The following TPD52L1 variants were observed in gnomAD, a reference collection of about 807,000 sequenced individuals.
TPD52L1 encodes the protein tumor protein D53.
A neutral mutation model predicts 28.7 loss-of-function variants in TPD52L1; 18 were observed. That is an observed-to-expected ratio of 0.63 (90% confidence interval 0.43 to 0.93). TPD52L1 has a LOEUF of 0.93. TPD52L1 is among the 40% of genes least tolerant of loss of function. The probability of loss-of-function intolerance (pLI) is 0.00; values close to 1 mark genes in which losing one functional copy is unlikely to be tolerated. For synonymous variants in TPD52L1, 75 were observed against 88.8 expected, an observed-to-expected ratio of 0.84 and a Z score of 0.88; for missense variants, 203 against 254.8, an observed-to-expected ratio of 0.80 and a Z score of 1.39.
intron 1 of TPD52L1, among the ~76,000 whole-genome samples, chr6:125,210,813 C>T (rs1794442699): frequency 6.6e-6 from 1 of 152,158 alleles, no homozygotes; most frequent in African/African-American, 2.4e-5. Context: ...ACAATTTATT[C>T]TTGTGGGTAG....
At chr6:125,250,615 A>G (rs1797207277) in intron 4 of TPD52L1, among the ~76,000 whole-genome samples, 1 of 152,210 alleles carries the variant, frequency 6.6e-6, no homozygotes, top group African/African-American at 2.4e-5. Flanking sequence ...TGTATTTCAT[A>G]AAGGCCCTGC....
chr6:125,235,159 G>C (rs888414017), intron 3 of TPD52L1, among the ~76,000 whole-genome samples: 1 of 145,922 alleles, frequency 6.9e-6, no homozygotes, highest in Non-Finnish European at 1.5e-5. Flanking sequence ...TGGCTGATAG[G>C]AGGGGTTTTT....
At chr6:125,208,809 G>A (rs1446800962) in intron 1 of TPD52L1, 6 of 574,686 alleles carry the variant, frequency 1.0e-5, no homozygotes, top group Non-Finnish European at 1.3e-5. Context: ...GAGTGGGCCA[G>A]GTGCTGAGAG....
chr6:125,161,123 G>C (rs1214855939), intron 1 of TPD52L1, among the ~76,000 whole-genome samples: 1 of 152,202 alleles, frequency 6.6e-6, no homozygotes, highest in Non-Finnish European at 1.5e-5. Flanking sequence ...AAAGTGCTGG[G>C]ATTACAGGCA....
intron 1 of TPD52L1, among the ~76,000 whole-genome samples, chr6:125,172,085 TCTTTCTTTCTTTCC>T (rs1314859002): frequency 7.3e-6 from 1 of 136,566 alleles, no homozygotes; most frequent in East Asian, 2.1e-4. Context: ...TCTTTCTCTT[TCTTTCTTTCTTTCC>T]CTTTCTTTCT....
chr6:125,162,861 C>T (rs1348728085), intron 1 of TPD52L1, among the ~76,000 whole-genome samples: 1 of 152,182 alleles, frequency 6.6e-6, no homozygotes, highest in African/African-American at 2.4e-5. Context: ...AACTTTGCAT[C>T]CATTATTTTA....
intron 1 of TPD52L1, among the ~76,000 whole-genome samples, chr6:125,188,628 A>G (rs1562247638): frequency 6.6e-6 from 1 of 152,194 alleles, no homozygotes; most frequent in East Asian, 1.9e-4. Flanking sequence ...TATGCATTCC[A>G]AACAATTCCT....
At chr6:125,172,539 T>TATATATATAATATATATATATATA (rs1791528377) in intron 1 of TPD52L1, among the ~76,000 whole-genome samples, 2 of 95,042 alleles carry the variant, frequency 2.1e-5, no homozygotes, top group African/African-American at 8.8e-5. Context: ...TATATATATA[T>TATATATATAATATATATATATATA]ATATATATAT....
intron 1 of TPD52L1, among the ~76,000 whole-genome samples, chr6:125,202,625 G>T (rs1422467065): frequency 1.3e-5 from 2 of 152,142 alleles, no homozygotes; most frequent in East Asian, 3.9e-4. Flanking sequence ...TAATTGAAAT[G>T]AGTGACTTTT....
intron 2 of TPD52L1, among the ~76,000 whole-genome samples, chr6:125,228,634 A>G (rs947102591): frequency 2.0e-5 from 3 of 152,210 alleles, no homozygotes; most frequent in African/African-American, 7.2e-5. Context: ...TGAGGCCAAG[A>G]GTTTGAGACC....
chr6:125,229,272 TATC>T lies in TPD52L1; in HGVS notation c.284+9_284+11del. 1 of 1,609,844 alleles carries T rather than the reference TATC, an allele frequency of 6.2e-7. No homozygotes were observed. The highest frequency in any genetic ancestry group is 8.5e-7 in the Non-Finnish European group (1 of 1,178,362). ...GACATGCAGACTACCACTGCGTAAGTATCATATGAACAGTGTTTTATTAACTCA... is the reference window on the plus strand; with the variant it reads ...GACATGCAGACTACCACTGCGTAAGTATATGAACAGTGTTTTATTAACTCA... On this transcript the variant is annotated splice_region_variant and intron_variant, in intron 3 of 6. Coordinates refer to ENST00000534000, the MANE Select transcript of TPD52L1 (RefSeq NM_003287.4).
At chr6:125,186,549 A>G (rs1792646447) in intron 1 of TPD52L1, among the ~76,000 whole-genome samples, 1 of 152,200 alleles carries the variant, frequency 6.6e-6, no homozygotes, top group Non-Finnish European at 1.5e-5. Context: ...AGTCCCAACA[A>G]AGATATTTTG....
chr6:125,206,934 C>A (rs1794186014), intron 1 of TPD52L1, among the ~76,000 whole-genome samples: 1 of 152,136 alleles, frequency 6.6e-6, no homozygotes, highest in Non-Finnish European at 1.5e-5. Context: ...TTTCCTCATG[C>A]AGTCTGGTAG....
In TPD52L1 at chr6:125,263,052, G is replaced by A. The variant is rs542359213; in HGVS notation, c.*90G>A. ...ATCCAGATAAGAAGACCAAAATCCCGCTGGGAAAAACCCAGGCCTTGACAT... is the reference window on the plus strand; with the variant it reads ...ATCCAGATAAGAAGACCAAAATCCCACTGGGAAAAACCCAGGCCTTGACAT... On this transcript the variant is annotated 3_prime_UTR_variant, in exon 7 of 7. Coordinates refer to ENST00000534000, the MANE Select transcript of TPD52L1 (RefSeq NM_003287.4). 6.2e-4 allele frequency: 890 copies of A among 1,430,652 alleles called. No homozygotes were observed. Among genetic ancestry groups the A allele is most frequent in the Non-Finnish European group, 7.8e-4 (844 of 1,088,740 alleles). 88.6% of individuals were successfully genotyped at this position (1,430,652 alleles called of 1,614,324 possible).
chr6:125,248,273 T>C lies in TPD52L1; in HGVS notation c.285-9T>C. On this transcript the variant is annotated splice_polypyrimidine_tract_variant and intron_variant, in intron 3 of 6. Coordinates refer to ENST00000534000, the MANE Select transcript of TPD52L1 (RefSeq NM_003287.4). ...ATATAAAAACCATGTTGTTCTGTTT[T>C]ATTTCTAGCTACAAGAAAACACATG... 1 of 1,610,634 alleles carries C rather than the reference T, an allele frequency of 6.2e-7. No individual in the cohort carries two copies. Among genetic ancestry groups the C allele is most frequent in the Non-Finnish European group, 8.5e-7 (1 of 1,177,016 alleles).
intron 3 of TPD52L1, among the ~76,000 whole-genome samples, chr6:125,244,333 G>T (rs1320342345): frequency 1.3e-5 from 2 of 152,138 alleles, no homozygotes; most frequent in Non-Finnish European, 2.9e-5. Context: ...AAGGCAGGTG[G>T]GTAGATGTAA....
chr6:125,201,293 A>G (rs2114898321), intron 1 of TPD52L1, among the ~76,000 whole-genome samples: 1 of 152,340 alleles, frequency 6.6e-6, no homozygotes, highest in South Asian at 2.1e-4. Context: ...GATCACAGTC[A>G]CATCTTTCTC....
intron 1 of TPD52L1, among the ~76,000 whole-genome samples, chr6:125,190,937 G>A (rs549323238): frequency 2.6e-5 from 4 of 152,296 alleles, no homozygotes; most frequent in African/African-American, 9.6e-5. Flanking sequence ...AGGGGTTGGG[G>A]ACCCCTGCTT....
intron 1 of TPD52L1, among the ~76,000 whole-genome samples, chr6:125,197,542 A>T: frequency 6.6e-6 from 1 of 152,164 alleles, no homozygotes; most frequent in Non-Finnish European, 1.5e-5. Flanking sequence ...TCTGCTTGCT[A>T]GGCCCAAAAG....
Sources: allele counts gnomAD v4.1 joint callset (sites outside exome capture counted in the v4.1 genomes callset), GRCh38; gene constraint gnomAD v4.1.1; transcripts MANE v1.5; gene names NCBI Gene and HGNC (gene_info 2026-07-23, HGNC 2026-07-21).